VPS26A: variants seen among roughly 807,000 people sequenced by gnomAD.
The protein encoded by VPS26A is VPS26 retromer complex component A, also known as vacuolar protein sorting-associated protein 26A.
In VPS26A, 22 loss-of-function variants were observed where a neutral mutation model predicts 42.4. That is an observed-to-expected ratio of 0.52 (90% CI 0.37 to 0.74). The LOEUF (loss-of-function observed/expected upper bound fraction) is 0.74. Ranked by LOEUF, VPS26A falls within the 30% of genes least tolerant of loss-of-function variation. The probability of loss-of-function intolerance (pLI) is 0.00; values close to 1 mark genes in which losing one functional copy is unlikely to be tolerated. For synonymous variants in VPS26A, 110 were observed against 123.5 expected (o/e 0.89, Z 0.73); for missense variants, 276 against 379.2 (o/e 0.73, Z 2.26).
intron 2 of VPS26A, among the ~76,000 whole-genome samples, chr10:69,153,361 T>A (rs928483194): frequency 6.6e-6 from 1 of 150,380 alleles, no homozygotes; most frequent in Non-Finnish European, 1.5e-5. Flanking sequence ...TTTTTTTGTC[T>A]GAGACAAGGT....
At chr10:69,146,929 T>C (rs1841172630) in intron 2 of VPS26A, among the ~76,000 whole-genome samples, 1 of 152,238 alleles carries the variant, frequency 6.6e-6, no homozygotes, top group Non-Finnish European at 1.5e-5. Context: ...TTTTAACTTC[T>C]GTTGGATCTT....
chr10:69,164,107 A>T (rs1281052188), intron 6 of VPS26A, among the ~76,000 whole-genome samples: 1 of 152,142 alleles, frequency 6.6e-6, no homozygotes, highest in African/African-American at 2.4e-5. Flanking sequence ...ATCTCTTCAT[A>T]TGAATAAAAA....
At chr10:69,159,337 C>T (rs1483630268) in intron 5 of VPS26A, among the ~76,000 whole-genome samples, 1 of 150,582 alleles carries the variant, frequency 6.6e-6, no homozygotes, top group Non-Finnish European at 1.5e-5. Context: ...GCTGAGATCA[C>T]GCCACTGCAG....
intron 5 of VPS26A, 43 bp from the exon 6 acceptor site, chr10:69,162,363 G>C: frequency 9.3e-7 from 1 of 1,071,562 alleles, no homozygotes; most frequent in Admixed American, 2.4e-5. Flanking sequence ...GTTTTTGCTT[G>C]TTTTTAAACT....
intron 2 of VPS26A, among the ~76,000 whole-genome samples, chr10:69,150,423 G>A (rs2132217161): frequency 6.6e-6 from 1 of 150,582 alleles, no homozygotes; most frequent in Non-Finnish European, 1.5e-5. Flanking sequence ...TTTCTTTTTT[G>A]AGATGGAGTG....
Position 69,162,388 on chromosome 10 carries a change from T to TA in VPS26A, c.552-17dup. 7.9e-7 allele frequency: 1 copy of TA among 1,267,126 alleles called. No homozygotes were observed. Among genetic ancestry groups the TA allele is most frequent in the Non-Finnish European group, 1.1e-6 (1 of 887,420 alleles). 78.5% of individuals were successfully genotyped at this position (1,267,126 alleles called of 1,614,324 possible). On this transcript the variant is annotated splice_polypyrimidine_tract_variant and intron_variant, in intron 5 of 8. Transcript: ENST00000263559. Reference sequence around the variant, plus strand: ...GTTTTTAAACTGATATTTAGTGAGATATGTTCTTCCCCAATAGGTATCATT... The same window carrying TA: ...GTTTTTAAACTGATATTTAGTGAGATAATGTTCTTCCCCAATAGGTATCATT...
chr10:69,131,257 A>G (rs1840771968), intron 1 of VPS26A, among the ~76,000 whole-genome samples: 1 of 152,162 alleles, frequency 6.6e-6, no homozygotes, highest in South Asian at 2.1e-4. Flanking sequence ...TGGGATTACA[A>G]GTGTGAGCCA....
chr10:69,165,302 A>G (rs949039985), intron 6 of VPS26A, among the ~76,000 whole-genome samples: 1 of 152,104 alleles, frequency 6.6e-6, no homozygotes, highest in Non-Finnish European at 1.5e-5. Context: ...TTCATAATTT[A>G]AAACATCTGT....
chr10:69,154,885 G>A (rs112050256), intron 2 of VPS26A, among the ~76,000 whole-genome samples: 14 of 152,230 alleles, frequency 9.2e-5, no homozygotes, highest in South Asian at 4.1e-4. Context: ...GTGTGTGTGC[G>A]CGCACGCGCA....
At position 69,158,138 on chromosome 10, in the gene VPS26A, G is replaced by A. The variant is rs930625934; in HGVS notation, c.478G>A (p.Val160Ile). The A allele has an allele frequency of 7.4e-6, 12 of 1,613,090 alleles. No individual in the cohort carries two copies. Among genetic ancestry groups the A allele is most frequent in the Non-Finnish European group, 1.0e-5 (12 of 1,179,530 alleles). ...TCACCAGCTTGCCACCTATCCTGAT[G>A]TTAACAACTCTATTAAGATGGAAGT... ...IVHQLATYPDVNNSIKMEVGI... is the reference protein window; with the variant it reads ...IVHQLATYPDINNSIKMEVGI... Residue 160 changes from valine (V) to isoleucine (I), a missense_variant, in exon 5 of 9, where the codon GTT (valine) becomes ATT (isoleucine). Val to Ile is a conservative substitution (Grantham distance 29). Coordinates refer to ENST00000263559, the MANE Select transcript of VPS26A (RefSeq NM_004896.5).
chr10:69,124,290 C>G lies in VPS26A; in HGVS notation c.3+10C>G. 7.9e-7 allele frequency: 1 copy of G among 1,257,868 alleles called. No individual in the cohort carries two copies. Among genetic ancestry groups the G allele is most frequent in the East Asian group, 3.1e-5 (1 of 32,244 alleles). The allele number at this position is 1,257,868 out of a possible 1,614,324, so 77.9% of individuals were successfully genotyped here. ...GGCGGCGTTGACAATGGTGAGTGCG[C>G]GGCGGCCAGCGCGCTCGCCTCCCGC... On this transcript the variant is annotated intron_variant, in intron 1 of 8. Coordinates refer to ENST00000263559, the MANE Select transcript of VPS26A (RefSeq NM_004896.5).
At chr10:69,149,742 T>TG (rs1841253409) in intron 2 of VPS26A, among the ~76,000 whole-genome samples, 2 of 37,282 alleles carry the variant, frequency 5.4e-5, no homozygotes, top group African/African-American at 1.1e-4. Flanking sequence ...TTGTTTTTTT[T>TG]TTTTTTTTTT....
At chr10:69,147,438 T>A (rs2132211961) in intron 2 of VPS26A, among the ~76,000 whole-genome samples, 1 of 152,288 alleles carries the variant, frequency 6.6e-6, no homozygotes, top group South Asian at 2.1e-4. Flanking sequence ...TTTTTTTTCT[T>A]TTGTTGCTTG....
intron 1 of VPS26A, among the ~76,000 whole-genome samples, chr10:69,131,181 T>G (rs1341657935): frequency 6.6e-6 from 1 of 152,202 alleles, no homozygotes; most frequent in East Asian, 1.9e-4. Flanking sequence ...GGCTTCACCA[T>G]GTTGGCCAGG....
At chr10:69,153,301 C>T (rs1272704236) in intron 2 of VPS26A, among the ~76,000 whole-genome samples, 4 of 152,052 alleles carry the variant, frequency 2.6e-5, no homozygotes, top group South Asian at 2.1e-4. Flanking sequence ...CCACTGTCCT[C>T]GGCCTCCCAA....
chr10:69,127,134 CG>C (rs1776436106), intron 1 of VPS26A, among the ~76,000 whole-genome samples: 1 of 117,340 alleles, frequency 8.5e-6, no homozygotes, highest in African/African-American at 3.2e-5. Context: ...TTAGTGGAGA[CG>C]GGGTTTCGCC....
intron 2 of VPS26A, among the ~76,000 whole-genome samples, chr10:69,155,562 TATTA>T (rs1841414980): frequency 6.6e-6 from 1 of 152,218 alleles, no homozygotes; most frequent in Non-Finnish European, 1.5e-5. Context: ...GTTCTCCACC[TATTA>T]AGGATTCCTT....
chr10:69,166,058 A>G lies in VPS26A; in HGVS notation c.675A>G (p.Thr225=). Residue 225 remains threonine (T), a synonymous_variant, in exon 7 of 9, where the codon ACA becomes ACG. Coordinates refer to ENST00000263559, the MANE Select transcript of VPS26A (RefSeq NM_004896.5). ...EITGIGPSTT[T]ETETIAKYEI... ...TTGCACTAGGACCCAGTACCACAACAGAAACAGAAACAATCGCCAAATATG... is the reference window on the plus strand; with the variant it reads ...TTGCACTAGGACCCAGTACCACAACGGAAACAGAAACAATCGCCAAATATG... 1 of 1,614,056 alleles carries G rather than the reference A, an allele frequency of 6.2e-7. No individual in the cohort carries two copies. The highest frequency in any genetic ancestry group is 8.5e-7 in the Non-Finnish European group (1 of 1,179,924).
chr10:69,145,935 T>G (rs1239535630), intron 2 of VPS26A, among the ~76,000 whole-genome samples: 2 of 152,164 alleles, frequency 1.3e-5, no homozygotes, highest in Admixed American at 6.5e-5. Context: ...CTTCTTTCTT[T>G]CTTGCTGAAT....
Sources: allele counts gnomAD v4.1 joint callset (sites outside exome capture counted in the v4.1 genomes callset), GRCh38; gene constraint gnomAD v4.1.1; transcripts MANE v1.5; gene names NCBI Gene and HGNC (gene_info 2026-07-23, HGNC 2026-07-21).